DLEU7: variants seen among roughly 807,000 people sequenced by gnomAD.
DLEU7 encodes deleted in lymphocytic leukemia 7.
Under a neutral mutation model 16.0 loss-of-function variants are expected in DLEU7, and 17 were observed. The observed-to-expected ratio is 1.06, with a 90% CI of 0.73 to 1.59. The LOEUF (loss-of-function observed/expected upper bound fraction) is 1.59, where lower values mean the gene tolerates loss of function less well. Among genes scored for constraint, DLEU7 ranks in the 40% most tolerant of loss-of-function variants. The pLI is 0.00. For missense variants in DLEU7, 308 were observed against 314.9 expected (o/e 0.98, Z 0.17); for synonymous variants, 113 against 139.8 (o/e 0.81, Z 1.35).
intron 1 of DLEU7, among the ~76,000 whole-genome samples, chr13:50,714,793 TG>T (rs1173955134): frequency 1.3e-5 from 2 of 152,166 alleles, no homozygotes; most frequent in African/African-American, 4.8e-5. Flanking sequence ...CCCTAGGCTT[TG>T]GGGAACATAG....
intron 1 of DLEU7, among the ~76,000 whole-genome samples, chr13:50,815,674 T>A (rs144851434): frequency 1.1e-3 from 164 of 152,250 alleles, no homozygotes; most frequent in African/African-American, 3.8e-3. Context: ...GAACTTGAAG[T>A]AGACTGTCCC....
intron 1 of DLEU7, among the ~76,000 whole-genome samples, chr13:50,770,278 G>T (rs1005784714): frequency 6.6e-6 from 1 of 152,094 alleles, no homozygotes; most frequent in Non-Finnish European, 1.5e-5. Context: ...TCTCTTGCCT[G>T]ATTGCCCTGG....
intron 1 of DLEU7, among the ~76,000 whole-genome samples, chr13:50,723,478 A>G (rs1056948593): frequency 2.0e-5 from 3 of 151,862 alleles, no homozygotes; most frequent in Non-Finnish European, 2.9e-5. Flanking sequence ...ATAACTAAAT[A>G]CCATAGGCGG....
At chr13:50,737,269 A>G (rs1874100212) in intron 1 of DLEU7, among the ~76,000 whole-genome samples, 1 of 152,192 alleles carries the variant, frequency 6.6e-6, no homozygotes, top group Admixed American at 6.5e-5. Context: ...ATATAAAAAG[A>G]TAATACATTA....
chr13:50,727,731 A>T (rs1873805439), intron 1 of DLEU7, among the ~76,000 whole-genome samples: 1 of 152,092 alleles, frequency 6.6e-6, no homozygotes, highest in African/African-American at 2.4e-5. Flanking sequence ...ATTCCAAGTT[A>T]TCCTCCTGGC....
chr13:50,747,150 A>G (rs768670103), intron 1 of DLEU7, among the ~76,000 whole-genome samples: 2 of 152,196 alleles, frequency 1.3e-5, no homozygotes, highest in Non-Finnish European at 2.9e-5. Flanking sequence ...AAGCAATCAT[A>G]GACGATTAAA....
intron 1 of DLEU7, among the ~76,000 whole-genome samples, chr13:50,784,789 A>G (rs1425408833): frequency 4.6e-5 from 7 of 152,202 alleles, no homozygotes; most frequent in South Asian, 2.1e-4. Context: ...CTGTGTGAAC[A>G]GTTAAGTGCT....
chr13:50,747,753 G>T (rs899333057), intron 1 of DLEU7, among the ~76,000 whole-genome samples: 24 of 152,142 alleles, frequency 1.6e-4, no homozygotes, highest in African/African-American at 5.8e-4. Flanking sequence ...TTTGACTTAT[G>T]CAGTTGAATG....
intron 1 of DLEU7, among the ~76,000 whole-genome samples, chr13:50,767,900 A>G (rs1265272710): frequency 6.6e-6 from 1 of 152,214 alleles, no homozygotes; most frequent in Non-Finnish European, 1.5e-5. Context: ...CAATCCCTCC[A>G]GGGTGGCAGC....
intron 1 of DLEU7, among the ~76,000 whole-genome samples, chr13:50,734,676 G>A (rs974733090): frequency 2.0e-5 from 3 of 152,100 alleles, no homozygotes; most frequent in African/African-American, 7.2e-5. Context: ...AAGAAGATGA[G>A]GACGAAGTAA....
chr13:50,753,296 G>A (rs933834062), intron 1 of DLEU7, among the ~76,000 whole-genome samples: 12 of 152,222 alleles, frequency 7.9e-5, no homozygotes, highest in Admixed American at 2.6e-4. Context: ...CCAGTCCCAC[G>A]CCATGCACCT....
intron 1 of DLEU7, among the ~76,000 whole-genome samples, chr13:50,829,212 C>T (rs1162923221): frequency 6.6e-6 from 1 of 152,152 alleles, no homozygotes; most frequent in African/African-American, 2.4e-5. Context: ...TGTCCCATAG[C>T]TTATGGGGTG....
At chr13:50,795,614 A>G (rs995217030) in intron 1 of DLEU7, among the ~76,000 whole-genome samples, 1 of 152,224 alleles carries the variant, frequency 6.6e-6, no homozygotes, top group African/African-American at 2.4e-5. Flanking sequence ...TCAGATTGTT[A>G]AAATATTAAA....
intron 1 of DLEU7, among the ~76,000 whole-genome samples, chr13:50,720,827 T>C (rs1280256449): frequency 6.6e-6 from 1 of 152,196 alleles, no homozygotes; most frequent in Non-Finnish European, 1.5e-5. Flanking sequence ...AAGCCCTTTC[T>C]AAGTAACTTA....
At chr13:50,741,637 T>G (rs577065630) in intron 1 of DLEU7, among the ~76,000 whole-genome samples, 8 of 152,212 alleles carry the variant, frequency 5.3e-5, no homozygotes, top group Non-Finnish European at 1.2e-4. Context: ...CCGTATCTCA[T>G]ATTTTAAGAA....
rs1411138520 is a variant in DLEU7, at chr13:50,726,073, C to A, written c.460-12833G>T. Reference sequence around the variant, plus strand: ...CAGTGTGATTCCTGCCTTCAAGGGACCTATCACTGTCTTGGAGAAGTAACG... The same window carrying A: ...CAGTGTGATTCCTGCCTTCAAGGGAACTATCACTGTCTTGGAGAAGTAACG... On this transcript the variant is annotated intron_variant, in intron 1 of 1. Coordinates refer to the DLEU7 transcript ENST00000400393. This position sits in a 1 kb window ranked among gnomAD's most constrained non-coding sequence, Gnocchi z 4.0. 6.6e-6 allele frequency among the ~76,000 whole-genome samples: 1 copy of A among 152,180 alleles called. No individual in the cohort carries two copies. Among genetic ancestry groups the A allele is most frequent in the African/African-American group, 2.4e-5 (1 of 41,456 alleles).
intron 1 of DLEU7, among the ~76,000 whole-genome samples, chr13:50,761,610 G>A (rs906489764): frequency 5.3e-5 from 8 of 152,092 alleles, no homozygotes; most frequent in Admixed American, 4.6e-4. Flanking sequence ...GCTTTCACAA[G>A]GAAAGGAGAG....
intron 1 of DLEU7, among the ~76,000 whole-genome samples, chr13:50,838,136 T>G (rs1877532434): frequency 6.6e-6 from 1 of 152,252 alleles, no homozygotes; most frequent in Admixed American, 6.5e-5. Context: ...ATATTCATAC[T>G]TGCAGTTTGC....
intron 1 of DLEU7, among the ~76,000 whole-genome samples, chr13:50,789,205 C>T (rs1301552301): frequency 2.0e-5 from 3 of 151,004 alleles, no homozygotes; most frequent in Non-Finnish European, 4.4e-5. Flanking sequence ...GTTAATTCTC[C>T]AGTTGCAACC....
Sources: allele counts gnomAD v4.1 joint callset (sites outside exome capture counted in the v4.1 genomes callset), GRCh38; gene constraint gnomAD v4.1.1; non-coding constraint Gnocchi (gnomAD v3.1); transcripts MANE v1.5; gene names NCBI Gene and HGNC (gene_info 2026-07-23, HGNC 2026-07-21).